CSMD1: variants seen among roughly 807,000 people sequenced by gnomAD.
CSMD1 encodes the protein CUB and Sushi multiple domains 1.
CSMD1 carries 213 observed loss-of-function variants against 417.5 expected under a neutral mutation model. That is an observed-to-expected ratio of 0.51 (90% CI 0.46 to 0.57). CSMD1 has a LOEUF of 0.57. Among genes scored for constraint, CSMD1 ranks in the 20% least tolerant of loss-of-function variants. The pLI is 0.00. For synonymous variants in CSMD1, 2,862 were observed against 1,736.8 expected (o/e 1.65, Z -16.11); for missense variants, 6,923 against 4,529.7 (o/e 1.53, Z -15.17).
chr8:4,739,915 C>T, intron 1 of CSMD1, among the ~76,000 whole-genome samples: 1 of 152,288 alleles, frequency 6.6e-6, no homozygotes, highest in East Asian at 1.9e-4. Context: ...ACCCTCCCTT[C>T]TTCAGTTGCT....
At chr8:4,255,355 C>T (rs540513259) in intron 3 of CSMD1, among the ~76,000 whole-genome samples, 1 of 152,244 alleles carries the variant, frequency 6.6e-6, no homozygotes, top group East Asian at 1.9e-4. Flanking sequence ...GTTCTTGAGC[C>T]CAGAGCCCAG....
chr8:3,540,084 C>T (rs1798374740), intron 10 of CSMD1, among the ~76,000 whole-genome samples: 1 of 152,286 alleles, frequency 6.6e-6, no homozygotes, highest in East Asian at 1.9e-4. Flanking sequence ...AAATAGGCTT[C>T]TCTGTGATTC....
chr8:4,135,106 T>C (rs13252833), intron 3 of CSMD1, among the ~76,000 whole-genome samples: 30,205 of 152,122 alleles, frequency 0.2, 3,995 homozygotes, highest in Non-Finnish European at 0.29. Flanking sequence ...TAATAAATAA[T>C]TGCATAAATG....
intron 1 of CSMD1, among the ~76,000 whole-genome samples, chr8:4,952,640 G>C (rs1458060853): frequency 1.3e-5 from 2 of 151,940 alleles, no homozygotes; most frequent in African/African-American, 2.4e-5. Flanking sequence ...TGGTGATTGT[G>C]GTAGAGGTTC....
intron 3 of CSMD1, among the ~76,000 whole-genome samples, chr8:4,101,421 T>C (rs1346834596): frequency 6.6e-6 from 1 of 152,090 alleles, no homozygotes; most frequent in Non-Finnish European, 1.5e-5. Context: ...GTGAATATTT[T>C]CATTGGCTGC....
intron 5 of CSMD1, among the ~76,000 whole-genome samples, chr8:3,900,168 G>A (rs1453396530): frequency 1.3e-5 from 2 of 152,104 alleles, no homozygotes; most frequent in African/African-American, 4.8e-5. Context: ...CACCACAGCT[G>A]GGTGACAGTG....
chr8:3,979,309 G>A (rs1486712864), intron 5 of CSMD1, among the ~76,000 whole-genome samples: 1 of 152,188 alleles, frequency 6.6e-6, no homozygotes, highest in Non-Finnish European at 1.5e-5. Flanking sequence ...TAGTAACAGA[G>A]GTGTGAATCA....
chr8:3,225,845 C>T (rs1339566874), intron 27 of CSMD1, among the ~76,000 whole-genome samples: 1 of 152,170 alleles, frequency 6.6e-6, no homozygotes, highest in East Asian at 1.9e-4. Flanking sequence ...TTTTAATTAG[C>T]TTGCAAAATA....
At chr8:4,377,889 T>G (rs551734478) in intron 3 of CSMD1, among the ~76,000 whole-genome samples, 1 of 152,344 alleles carries the variant, frequency 6.6e-6, no homozygotes, top group African/African-American at 2.4e-5. Context: ...ATTGAATTAG[T>G]ATGGATTACT....
chr8:4,397,179 C>T (rs183528594), intron 3 of CSMD1, among the ~76,000 whole-genome samples: 3 of 152,066 alleles, frequency 2.0e-5, no homozygotes, highest in African/African-American at 7.2e-5. Context: ...TGATGATCAA[C>T]ATGTATGTGT....
intron 3 of CSMD1, among the ~76,000 whole-genome samples, chr8:4,196,530 G>A (rs943182116): frequency 6.6e-6 from 1 of 152,178 alleles, no homozygotes; most frequent in South Asian, 2.1e-4. Context: ...CCATTTCCTT[G>A]CTGGCTGTAA....
intron 6 of CSMD1, among the ~76,000 whole-genome samples, chr8:3,717,732 A>G (rs183743428): frequency 1.1e-3 from 161 of 152,314 alleles, no homozygotes; most frequent in Middle Eastern, 3.4e-3. Flanking sequence ...AGTTGTTAAT[A>G]TTTATTATTC....
At chr8:3,746,004 C>G (rs1797049367) in intron 6 of CSMD1, among the ~76,000 whole-genome samples, 1 of 152,206 alleles carries the variant, frequency 6.6e-6, no homozygotes, top group African/African-American at 2.4e-5. Context: ...AACTTCCTCA[C>G]ATGTACAGTA....
intron 3 of CSMD1, among the ~76,000 whole-genome samples, chr8:4,109,119 T>G (rs1224674162): frequency 2.6e-5 from 4 of 152,302 alleles, no homozygotes; most frequent in African/African-American, 9.6e-5. Context: ...CATCTCTAGA[T>G]TATTTATAAT....
At chr8:3,590,772 C>T (rs1800811542) in intron 8 of CSMD1, among the ~76,000 whole-genome samples, 1 of 152,106 alleles carries the variant, frequency 6.6e-6, no homozygotes, top group South Asian at 2.1e-4. Context: ...GAGGAGACTC[C>T]ACGTGGGAAT....
chr8:4,185,745 T>C (rs1338436815), intron 3 of CSMD1, among the ~76,000 whole-genome samples: 1 of 152,208 alleles, frequency 6.6e-6, no homozygotes, highest in Non-Finnish European at 1.5e-5. Flanking sequence ...TTTGAAGAGC[T>C]ATCATTTTGA....
At chr8:4,730,702 C>T (rs1809791729) in intron 1 of CSMD1, among the ~76,000 whole-genome samples, 1 of 151,654 alleles carries the variant, frequency 6.6e-6, no homozygotes, top group African/African-American at 2.4e-5. Context: ...GATCGTGCCA[C>T]TGCACTCCAG....
chr8:3,387,420 C>T (rs1420624752), intron 18 of CSMD1, 74 bp downstream of exon 18: 3 of 1,297,582 alleles, frequency 2.3e-6, no homozygotes, highest in Non-Finnish European at 3.2e-6. Flanking sequence ...AATACACACA[C>T]CACCCAGCTA....
intron 3 of CSMD1, among the ~76,000 whole-genome samples, chr8:4,249,360 C>T (rs142750485): frequency 2.2e-3 from 337 of 152,282 alleles, no homozygotes; most frequent in Middle Eastern, 6.8e-3. Flanking sequence ...GTTCAGTCTA[C>T]GGATGTTTCA....
Sources: allele counts gnomAD v4.1 joint callset (sites outside exome capture counted in the v4.1 genomes callset), GRCh38; gene constraint gnomAD v4.1.1; transcripts MANE v1.5; gene names NCBI Gene and HGNC (gene_info 2026-07-23, HGNC 2026-07-21).